The following SLC38A1 variants were observed in gnomAD, a reference collection of about 807,000 sequenced individuals.
SLC38A1 encodes the protein sodium-coupled neutral amino acid symporter 1.
SLC38A1 carries 18 observed loss-of-function variants against 60.3 expected under a neutral mutation model. The observed-to-expected ratio is 0.30, with a 90% CI of 0.21 to 0.44. The LOEUF is 0.44. Ranked by LOEUF, SLC38A1 falls within the 20% of genes least tolerant of loss-of-function variation. SLC38A1 has a pLI of 1.00. For missense variants in SLC38A1, 448 were observed against 587.2 expected, an observed-to-expected ratio of 0.76 and a Z score of 2.45; for synonymous variants, 196 against 212.1, an observed-to-expected ratio of 0.92 and a Z score of 0.66.
chr12:46,217,306 A>C (rs2137521029), intron 5 of SLC38A1, among the ~76,000 whole-genome samples: 1 of 152,326 alleles, frequency 6.6e-6, no homozygotes, highest in South Asian at 2.1e-4. Context: ...TGCATTGTCT[A>C]TCAAAGTCAA....
At position 46,184,332 on chromosome 12, in the gene SLC38A1, G is replaced by A. The variant is rs1938866419; in HGVS notation, c.*4638C>T. 6.6e-6 allele frequency: 1 copy of A among 152,078 alleles called. No individual in the cohort carries two copies. The allele number at this position is 152,078 out of a possible 1,614,324, so 9.4% of individuals were successfully genotyped here. On this transcript the variant is annotated 3_prime_UTR_variant, in exon 17 of 17. Transcript: ENST00000398637. ...GGATTCTCAAACCTGCCATCCCCAAGGAAAATCATGTATTAGTATTGCTAA... is the reference window on the plus strand; with the variant it reads ...GGATTCTCAAACCTGCCATCCCCAAAGAAAATCATGTATTAGTATTGCTAA...
At chr12:46,204,452 C>T (rs766362630) in intron 10 of SLC38A1, 35 bp from the exon 11 acceptor site, 1 of 1,594,032 alleles carries the variant, frequency 6.3e-7, no homozygotes, top group Non-Finnish European at 8.6e-7. Context: ...GCAATATGGA[C>T]TTTAGTAAAG....
In SLC38A1 at chr12:46,220,274, CATT is replaced by C. The variant is rs1489833598; in HGVS notation, c.314+8876_314+8878del. ...CAAATGTTGGCAAGCCTGAATGTGCCATTTCTCCCTCTCCCGGGTTATTACTCC... is the reference window on the plus strand; with the variant it reads ...CAAATGTTGGCAAGCCTGAATGTGCCTCTCCCTCTCCCGGGTTATTACTCC... On this transcript the variant is annotated intron_variant, in intron 5 of 16. Coordinates refer to ENST00000398637, the MANE Select transcript of SLC38A1 (RefSeq NM_030674.4). Among the ~76,000 whole-genome samples, 8 of 152,182 alleles carry C rather than the reference CATT, an allele frequency of 5.3e-5. No individual in the cohort carries two copies. In the East Asian group the frequency reaches 1.5e-3, roughly 29 times the overall value.
chr12:46,229,494 T>C (rs1940987633), intron 4 of SLC38A1, 70 bp downstream of exon 4: 3 of 1,222,526 alleles, frequency 2.5e-6, no homozygotes, highest in Non-Finnish European at 3.6e-6. Flanking sequence ...CTATGCTACT[T>C]GAATTAAAAA....
intron 16 of SLC38A1, chr12:46,196,268 G>C (rs1184675288): frequency 6.5e-7 from 1 of 1,535,858 alleles, no homozygotes; most frequent in Non-Finnish European, 8.7e-7. Context: ...ACTGGAGGAA[G>C]AGAAAGAGCT....
intron 13 of SLC38A1, among the ~76,000 whole-genome samples, 175 bp downstream of exon 13, chr12:46,200,923 C>T (rs1182657211): frequency 1.3e-5 from 2 of 152,190 alleles, no homozygotes; most frequent in African/African-American, 4.8e-5. Context: ...TTTTATTCGG[C>T]AGTCTGCATG....
chr12:46,226,260 TCTA>T (rs1940859172), intron 5 of SLC38A1, among the ~76,000 whole-genome samples: 1 of 152,154 alleles, frequency 6.6e-6, no homozygotes, highest in South Asian at 2.1e-4. Flanking sequence ...CAAATCTTTT[TCTA>T]CTATTCTCTC....
chr12:46,194,891 C>T (rs967760862), intron 16 of SLC38A1, among the ~76,000 whole-genome samples: 40 of 152,208 alleles, frequency 2.6e-4, no homozygotes, highest in African/African-American at 9.4e-4. Context: ...GCTCCTTTAG[C>T]TCAGAGAAGT....
chr12:46,193,183 T>C (rs1939218477), intron 16 of SLC38A1, among the ~76,000 whole-genome samples: 2 of 152,248 alleles, frequency 1.3e-5, no homozygotes, highest in Non-Finnish European at 2.9e-5. Flanking sequence ...CTTCATTTTG[T>C]TATTTACCCA....
At chr12:46,244,598 A>C (rs555580835) in intron 1 of SLC38A1, among the ~76,000 whole-genome samples, 1 of 152,340 alleles carries the variant, frequency 6.6e-6, no homozygotes, top group East Asian at 1.9e-4. Flanking sequence ...ATTCTTGATC[A>C]TCAGATTTGG....
chr12:46,214,067 T>C (rs555065042), intron 5 of SLC38A1, among the ~76,000 whole-genome samples: 2 of 152,366 alleles, frequency 1.3e-5, no homozygotes, highest in South Asian at 4.1e-4. Context: ...ACTTTGTTGG[T>C]TTCTACAGAG....
rs564763231 is a variant in SLC38A1 at position 46,213,730 on chromosome 12, TC to T, written c.315-4604del. ...TCTGGATAACTGTGATCATCTTGTC[TC>T]CTCACATCCGTCTTCCACCCAGCAG... On this transcript the variant is annotated intron_variant, in intron 5 of 16. Transcript: ENST00000398637. 1.6e-3 allele frequency among the ~76,000 whole-genome samples: 241 copies of T among 152,370 alleles called. 1 individual carries two copies. The highest frequency in any genetic ancestry group is 5.6e-3 in the African/African-American group (233 of 41,590).
At chr12:46,208,129 C>A (rs1939991164) in intron 6 of SLC38A1, among the ~76,000 whole-genome samples, 1 of 152,162 alleles carries the variant, frequency 6.6e-6, no homozygotes, top group East Asian at 1.9e-4. Flanking sequence ...ATTTTAATAG[C>A]CACGACATAC....
intron 5 of SLC38A1, among the ~76,000 whole-genome samples, chr12:46,222,158 T>A (rs938182038): frequency 6.6e-6 from 1 of 152,138 alleles, no homozygotes; most frequent in Non-Finnish European, 1.5e-5. Context: ...ATTTTCTCTC[T>A]CAAGTTTTTA....
intron 3 of SLC38A1, among the ~76,000 whole-genome samples, chr12:46,235,338 T>C (rs1941222678): frequency 6.6e-6 from 1 of 152,190 alleles, no homozygotes; most frequent in South Asian, 2.1e-4. Flanking sequence ...AGATGAGTGG[T>C]TGAACTTAAA....
At chr12:46,223,324 T>C (rs1455834709) in intron 5 of SLC38A1, among the ~76,000 whole-genome samples, 2 of 152,192 alleles carry the variant, frequency 1.3e-5, no homozygotes, top group Admixed American at 6.5e-5. Context: ...ATAGATACTG[T>C]TCAGTAAATG....
In SLC38A1 at chr12:46,229,616, C is replaced by G. The variant is rs1409571568; in HGVS notation, c.146G>C (p.Ser49Thr). Residue 49 changes from serine (S) to threonine (T), a missense_variant, in exon 4 of 17, where the codon AGT becomes ACT. Ser to Thr is a moderately conservative substitution (Grantham distance 58, BLOSUM62 1). Transcript: ENST00000398637. ...ATGGCTGTTTGTGAGACTTCTTCTA[C>G]TTTCACGATCAGAAATAAACTTGCT... ...INSKFISDRESRRSLTNSHLE... is the reference protein window; with the variant it reads ...INSKFISDRETRRSLTNSHLE... The G allele has an allele frequency of 6.2e-7, 1 of 1,613,624 alleles. No individual in the cohort carries two copies. Among genetic ancestry groups the G allele is most frequent in the Non-Finnish European group, 8.5e-7 (1 of 1,179,776 alleles).
chr12:46,213,211 T>A (rs1940253248), intron 5 of SLC38A1, among the ~76,000 whole-genome samples: 1 of 152,186 alleles, frequency 6.6e-6, no homozygotes, highest in African/African-American at 2.4e-5. Flanking sequence ...TCTTTCTTCT[T>A]TCAAGGTAAT....
chr12:46,243,867 T>C (rs918279509), intron 1 of SLC38A1, among the ~76,000 whole-genome samples: 1 of 152,228 alleles, frequency 6.6e-6, no homozygotes, highest in Admixed American at 6.5e-5. Flanking sequence ...AAGGCATCAA[T>C]TTCTTGTTAT....
Sources: gnomAD v4.1 joint callset for allele counts (sites outside exome capture counted in the v4.1 genomes callset) on GRCh38, gnomAD v4.1.1 for gene constraint, MANE v1.5 for transcripts, NCBI Gene and HGNC (gene_info 2026-07-23, HGNC 2026-07-21) for gene names.